CNTNAP5: variants seen among roughly 807,000 people sequenced by gnomAD.
CNTNAP5 encodes the protein contactin-associated protein-like 5.
CNTNAP5 carries 72 observed loss-of-function variants against 150.2 expected under a neutral mutation model. That is an observed-to-expected ratio of 0.48 (90% CI 0.40 to 0.58). The LOEUF (loss-of-function observed/expected upper bound fraction) is 0.58. Ranked by LOEUF, CNTNAP5 falls within the 20% of genes least tolerant of loss-of-function variation. CNTNAP5 has a pLI of 0.00. For missense variants in CNTNAP5, 1,636 were observed against 1,626.2 expected, an observed-to-expected ratio of 1.01 and a Z score of -0.10; for synonymous variants, 672 against 619.8, an observed-to-expected ratio of 1.08 and a Z score of -1.25.
intron 1 of CNTNAP5, among the ~76,000 whole-genome samples, chr2:124,103,980 AAT>A (rs1436690003): frequency 6.8e-6 from 1 of 147,770 alleles, no homozygotes; most frequent in Non-Finnish European, 1.5e-5. Flanking sequence ...TAATCATAAT[AAT>A]ATATGTACTG....
intron 13 of CNTNAP5, among the ~76,000 whole-genome samples, chr2:124,707,897 C>T (rs191288865): frequency 4.1e-4 from 62 of 152,184 alleles, no homozygotes; most frequent in Non-Finnish European, 6.3e-4. Flanking sequence ...GTAAAAGTGA[C>T]GACAAATAAC....
In CNTNAP5 at chr2:124,374,639, A is replaced by G. The variant is rs1690603103; in HGVS notation, c.382-42804A>G. Among the ~76,000 whole-genome samples the G allele has an allele frequency of 3.3e-5, 5 of 152,286 alleles. No individual in the cohort carries two copies. In the South Asian group the frequency reaches 6.2e-4, roughly 19 times the overall value. On this transcript the variant is annotated intron_variant, in intron 3 of 23. Coordinates refer to ENST00000682447, the MANE Select transcript of CNTNAP5 (RefSeq NM_001367498.1). ...ATGATCTGTGAGTGCCTAGCAGGCG[A>G]CATGCTCATCACTACAAGTTAGTAA... is the stretch of plus-strand genomic sequence containing the variant.
Position 124,524,345 on chromosome 2 carries a change from A to C in CNTNAP5, c.1370A>C (p.Asn457Thr), listed in dbSNP as rs1694916708. ...NDGLWHSVSI[N>T]ARRNRITLTL... ...GGCCTGTGGCACTCGGTTAGCATCAACGCCAGGAGGAACCGCATCACGCTC... is the reference window on the plus strand; with the variant it reads ...GGCCTGTGGCACTCGGTTAGCATCACCGCCAGGAGGAACCGCATCACGCTC... Residue 457 changes from asparagine to threonine, a missense_variant, in exon 9 of 24, where the codon AAC becomes ACC. By Grantham distance (65) the Asn-to-Thr change is moderately conservative. Coordinates refer to ENST00000682447, the MANE Select transcript of CNTNAP5 (RefSeq NM_001367498.1). The C allele has an allele frequency of 2.5e-6, 4 of 1,613,852 alleles. No homozygotes were observed. The highest frequency in any genetic ancestry group is 1.7e-4 in the Middle Eastern group (1 of 6,058).
At chr2:124,752,936 A>G (rs1342102102) in intron 14 of CNTNAP5, among the ~76,000 whole-genome samples, 2 of 152,180 alleles carry the variant, frequency 1.3e-5, no homozygotes, top group Non-Finnish European at 2.9e-5. Context: ...AGAATACACA[A>G]TGTCCCTCAT....
chr2:124,419,378 A>C (rs543667768), intron 4 of CNTNAP5, among the ~76,000 whole-genome samples: 137 of 152,258 alleles, frequency 9.0e-4, no homozygotes, highest in African/African-American at 3.2e-3. Context: ...CACAGGCTGC[A>C]GGGTTGAAAG....
chr2:124,031,132 G>A (rs146917076), intron 1 of CNTNAP5, among the ~76,000 whole-genome samples: 8 of 146,958 alleles, frequency 5.4e-5, no homozygotes, highest in Admixed American at 2.7e-4. Context: ...CTCTCTCCCC[G>A]CTATACATAC....
intron 8 of CNTNAP5, among the ~76,000 whole-genome samples, chr2:124,523,584 G>T (rs1426594409): frequency 6.6e-6 from 1 of 152,182 alleles, no homozygotes; most frequent in Non-Finnish European, 1.5e-5. Context: ...GGAGAGAAAA[G>T]AACCTTACAA....
chr2:124,740,378 T>C (rs755110780), intron 13 of CNTNAP5, among the ~76,000 whole-genome samples: 2 of 152,166 alleles, frequency 1.3e-5, no homozygotes, highest in African/African-American at 2.4e-5. Context: ...GGACCATTAC[T>C]ATCATGGAAA....
At chr2:124,175,547 G>A (rs1420014760) in intron 1 of CNTNAP5, among the ~76,000 whole-genome samples, 1 of 152,088 alleles carries the variant, frequency 6.6e-6, no homozygotes, top group African/African-American at 2.4e-5. Flanking sequence ...CATCACCCGG[G>A]TAGTGAGCAT....
chr2:124,609,127 T>C (rs943681909), intron 11 of CNTNAP5, among the ~76,000 whole-genome samples: 2 of 151,948 alleles, frequency 1.3e-5, no homozygotes, highest in African/African-American at 2.4e-5. Flanking sequence ...CTGTAACCCA[T>C]TGAAAGAGAC....
chr2:124,489,007 G>A (rs1173095823), intron 7 of CNTNAP5, among the ~76,000 whole-genome samples: 2 of 152,182 alleles, frequency 1.3e-5, no homozygotes, highest in Non-Finnish European at 2.9e-5. Context: ...GGCAGAAGAT[G>A]TGGCTTCTCC....
chr2:124,108,449 C>T (rs1017328737), intron 1 of CNTNAP5, among the ~76,000 whole-genome samples: 3 of 152,132 alleles, frequency 2.0e-5, no homozygotes, highest in Admixed American at 6.5e-5. Context: ...ACGAGCAGCC[C>T]GGAAGACACT....
intron 3 of CNTNAP5, among the ~76,000 whole-genome samples, chr2:124,274,273 C>A (rs1456661092): frequency 6.6e-6 from 1 of 152,200 alleles, no homozygotes; most frequent in African/African-American, 2.4e-5. Context: ...AGCCACCTCC[C>A]ATTTTTAACA....
chr2:124,249,409 T>C (rs932072275), intron 3 of CNTNAP5, among the ~76,000 whole-genome samples: 2 of 152,174 alleles, frequency 1.3e-5, no homozygotes, highest in Admixed American at 6.6e-5. Context: ...TTTTACAACC[T>C]GCACTCTCTG....
chr2:124,133,676 T>G (rs990964072), intron 1 of CNTNAP5, among the ~76,000 whole-genome samples: 1 of 152,172 alleles, frequency 6.6e-6, no homozygotes, highest in Middle Eastern at 3.4e-3. Context: ...GTAGTGCTTT[T>G]TTTCCCTCTG....
At chr2:124,361,915 C>A (rs975108759) in intron 3 of CNTNAP5, among the ~76,000 whole-genome samples, 1 of 152,046 alleles carries the variant, frequency 6.6e-6, no homozygotes, top group African/African-American at 2.4e-5. Flanking sequence ...AGCCTCGCTG[C>A]CGCCTTGCAG....
At chr2:124,620,650 GT>G (rs988382332) in intron 12 of CNTNAP5, among the ~76,000 whole-genome samples, 2 of 151,106 alleles carry the variant, frequency 1.3e-5, no homozygotes, top group African/African-American at 4.9e-5. Context: ...CTAGATCTTG[GT>G]TTTTTTATCA....
chr2:124,590,434 C>A (rs962549311), intron 11 of CNTNAP5, among the ~76,000 whole-genome samples: 1 of 152,180 alleles, frequency 6.6e-6, no homozygotes, highest in Non-Finnish European at 1.5e-5. Flanking sequence ...CTAATTTAAT[C>A]CCCAGACACA....
At position 124,885,549 on chromosome 2, in the gene CNTNAP5, T is replaced by TCACACACACACACACA. The variant is rs3980831; in HGVS notation, c.3436+15812_3436+15827dup. On this transcript the variant is annotated intron_variant, in intron 21 of 23. Transcript: ENST00000682447. ...TCTATCTAGCTCCAAAACATTTTCA[T>TCACACACACACACACA]CACACACACACACACACACACACAC... is the stretch of plus-strand genomic sequence containing the variant. Among the ~76,000 whole-genome samples the TCACACACACACACACA allele has an allele frequency of 8.5e-4, 123 of 145,364 alleles. 2 individuals carry two copies. The South Asian group carries it at 0.011, about 13-fold the overall frequency.
Sources: allele counts gnomAD v4.1 joint callset (sites outside exome capture counted in the v4.1 genomes callset), GRCh38; gene constraint gnomAD v4.1.1; transcripts MANE v1.5; gene names NCBI Gene and HGNC (gene_info 2026-07-23, HGNC 2026-07-21).